The following MAD1L1 variants were observed in gnomAD, a reference collection of about 807,000 sequenced individuals.
MAD1L1 encodes the protein mitotic arrest deficient 1 like 1.
A neutral mutation model predicts 96.9 loss-of-function variants in MAD1L1; 95 were observed. The observed-to-expected ratio is 0.98, with a 90% confidence interval of 0.83 to 1.16. The LOEUF (loss-of-function observed/expected upper bound fraction) is 1.16. Ranked by LOEUF, MAD1L1 falls within the 50% of genes most tolerant of loss-of-function variation. MAD1L1 has a pLI of 0.00. For missense variants in MAD1L1, 1,007 were observed against 954.4 expected (o/e 1.06, Z -0.73); for synonymous variants, 473 against 396.6 (o/e 1.19, Z -2.29).
intron 17 of MAD1L1, among the ~76,000 whole-genome samples, chr7:1,932,151 G>T (rs1015109638): frequency 1.3e-5 from 2 of 152,120 alleles, no homozygotes; most frequent in Non-Finnish European, 2.9e-5. Flanking sequence ...GCCCAGGCTG[G>T]GGGCTTCCTT....
intron 18 of MAD1L1, among the ~76,000 whole-genome samples, chr7:1,838,318 C>T (rs548031736): frequency 2.0e-5 from 3 of 152,332 alleles, no homozygotes; most frequent in Admixed American, 1.3e-4. Flanking sequence ...CCTGGCACTT[C>T]CGCTTATGGG....
intron 18 of MAD1L1, among the ~76,000 whole-genome samples, chr7:1,887,328 C>A (rs10950425): frequency 6.7e-6 from 1 of 149,696 alleles, no homozygotes; most frequent in South Asian, 2.1e-4. Flanking sequence ...CATGCGCATG[C>A]GTGGCTGCCT....
At chr7:1,850,392 G>A (rs1397372778) in intron 18 of MAD1L1, among the ~76,000 whole-genome samples, 1 of 152,346 alleles carries the variant, frequency 6.6e-6, no homozygotes, top group Non-Finnish European at 1.5e-5. Context: ...CCAGCTGCCT[G>A]GGCCCAGCTC....
intron 11 of MAD1L1, among the ~76,000 whole-genome samples, chr7:2,078,055 CG>C (rs1422061409): frequency 6.6e-6 from 1 of 152,172 alleles, no homozygotes; most frequent in Non-Finnish European, 1.5e-5. Context: ...GAGGGAACAC[CG>C]GGGAAGGGCC....
At chr7:2,034,402 A>G (rs528416229) in intron 12 of MAD1L1, among the ~76,000 whole-genome samples, 42 of 152,176 alleles carry the variant, frequency 2.8e-4, no homozygotes, top group Admixed American at 7.8e-4. Flanking sequence ...ATTTTAGTAG[A>G]GACGGGGTTT....
At position 2,217,955 on chromosome 7, in the gene MAD1L1, G is replaced by A. The variant is rs1793381677; in HGVS notation, c.678+7C>T. On this transcript the variant is annotated splice_region_variant and intron_variant, in intron 7 of 18. Coordinates refer to ENST00000265854, the MANE Select transcript of MAD1L1 (RefSeq NM_001013836.2). ...TGTCCACAAGGCACTGACAGGGAGT[G>A]ACTCACCTTAATCTGCTGCTCGTGG... 1.2e-6 allele frequency: 2 copies of A among 1,611,062 alleles called. No homozygotes were observed. Among genetic ancestry groups the A allele is most frequent in the South Asian group, 1.1e-5 (1 of 91,008 alleles).
intron 11 of MAD1L1, among the ~76,000 whole-genome samples, chr7:2,138,607 C>G (rs148064936): frequency 1.4e-4 from 22 of 152,304 alleles, no homozygotes; most frequent in African/African-American, 4.8e-4. Flanking sequence ...GGGCCTCCCC[C>G]GCTCTCAAGG....
At chr7:1,894,478 T>A (rs987040106) in intron 18 of MAD1L1, among the ~76,000 whole-genome samples, 1 of 152,002 alleles carries the variant, frequency 6.6e-6, no homozygotes, top group Non-Finnish European at 1.5e-5. Context: ...ACATGACCCC[T>A]CCCCAGCTCC....
At chr7:1,949,011 C>G (rs11760946) in intron 16 of MAD1L1, among the ~76,000 whole-genome samples, 131,383 of 152,262 alleles carry the variant, frequency 0.86, 57,939 homozygotes, top group Non-Finnish European at 0.96. Context: ...AGGAAGGACA[C>G]ACAGCTGCTG....
In MAD1L1 at chr7:2,183,077, C is replaced by T. The variant is rs149979599; in HGVS notation, c.986+30135G>A. Among the ~76,000 whole-genome samples the T allele has an allele frequency of 2.6e-5, 4 of 152,060 alleles. No individual in the cohort carries two copies. In the East Asian group the frequency reaches 7.7e-4, roughly 29 times the overall value. ...ATCTCTACAAAAGAGAAAAAATTAG[C>T]CAGGTGTGGTGGCTCACACCTGTAT... On this transcript the variant is annotated intron_variant, in intron 10 of 18. Transcript: ENST00000265854.
In MAD1L1 at chr7:2,223,585, C is replaced by T. The variant is rs905569351; in HGVS notation, c.292-831G>A. The T allele has an allele frequency of 2.6e-5, 4 of 152,404 alleles. No homozygotes were observed. In the East Asian group the frequency reaches 7.7e-4, roughly 29 times the overall value. The allele number at this position is 152,404 out of a possible 1,614,324, so 9.4% of individuals were successfully genotyped here. ...CATCCAGGGTACTCCAGCCCAAAAC[C>T]CAGGAGAGCTGTGACAGAGGTGGCC... On this transcript the variant is annotated intron_variant, in intron 4 of 18. Transcript: ENST00000265854.
intron 11 of MAD1L1, among the ~76,000 whole-genome samples, chr7:2,087,110 G>A (rs189227562): frequency 6.6e-6 from 1 of 152,348 alleles, no homozygotes; most frequent in African/African-American, 2.4e-5. Context: ...CAGGGGAAGA[G>A]CGCTGTGACC....
At chr7:1,970,383 G>T (rs913085960) in intron 15 of MAD1L1, among the ~76,000 whole-genome samples, 10 of 143,466 alleles carry the variant, frequency 7.0e-5, no homozygotes, top group African/African-American at 2.6e-4. Flanking sequence ...ACCCAGGTTG[G>T]AGTGCAGTGG....
chr7:2,066,797 G>A (rs1398790114), intron 12 of MAD1L1, among the ~76,000 whole-genome samples: 3 of 152,258 alleles, frequency 2.0e-5, no homozygotes, highest in African/African-American at 7.2e-5. Context: ...CTAAGAGGGT[G>A]TGGGCAGCAG....
intron 14 of MAD1L1, among the ~76,000 whole-genome samples, chr7:1,984,148 A>G (rs1325589801): frequency 3.3e-5 from 5 of 152,198 alleles, no homozygotes; most frequent in Non-Finnish European, 7.3e-5. Context: ...GCACTTTTGA[A>G]TCGTACTTCT....
At chr7:2,014,150 G>A (rs1782424403) in intron 13 of MAD1L1, among the ~76,000 whole-genome samples, 1 of 152,228 alleles carries the variant, frequency 6.6e-6, no homozygotes, top group Non-Finnish European at 1.5e-5. Context: ...CGGAGACCAG[G>A]TCTCCTTGGC....
At chr7:2,170,556 C>T (rs73039263) in intron 10 of MAD1L1, among the ~76,000 whole-genome samples, 5,862 of 152,196 alleles carry the variant, frequency 0.039, 152 homozygotes, top group South Asian at 0.073. Context: ...AGGACTTCAT[C>T]GTGACATCGG....
In MAD1L1 at chr7:1,815,943, G is replaced by T; in HGVS notation, c.*127C>A. ...GCCCGACGTAGGTCCCAGCGTGTCT[G>T]TCAGTCATGCTGCTGCCCTGTGGGG... On this transcript the variant is annotated 3_prime_UTR_variant, in exon 19 of 19. Coordinates refer to ENST00000265854, the MANE Select transcript of MAD1L1 (RefSeq NM_001013836.2). 8.7e-7 allele frequency: 1 copy of T among 1,152,766 alleles called. No individual in the cohort carries two copies. The highest frequency in any genetic ancestry group is 1.2e-6 in the Non-Finnish European group (1 of 838,132). The allele number at this position is 1,152,766 out of a possible 1,614,324, so 71.4% of individuals were successfully genotyped here.
chr7:1,941,854 C>T (rs1368528746), intron 16 of MAD1L1, among the ~76,000 whole-genome samples: 4 of 143,800 alleles, frequency 2.8e-5, no homozygotes, highest in Admixed American at 2.1e-4. Context: ...CCCAGGAGGG[C>T]GAGGGAAGTG....
Sources: gnomAD v4.1 joint callset for allele counts (sites outside exome capture counted in the v4.1 genomes callset) on GRCh38, gnomAD v4.1.1 for gene constraint, MANE v1.5 for transcripts, NCBI Gene and HGNC (gene_info 2026-07-23, HGNC 2026-07-21) for gene names.